The following MCC variants were observed in gnomAD, a reference collection of about 807,000 sequenced individuals.
The protein encoded by MCC is colorectal mutant cancer protein.
A neutral mutation model predicts 116.2 loss-of-function variants in MCC; 90 were observed. The observed-to-expected ratio is 0.77, with a 90% CI of 0.65 to 0.92. The LOEUF is 0.92. MCC is among the 40% of genes least tolerant of loss of function. The pLI, the probability that MCC is intolerant of heterozygous loss-of-function variation, is 0.00. For synonymous variants in MCC, 578 were observed against 510.5 expected, an observed-to-expected ratio of 1.13 and a Z score of -1.78; for missense variants, 1,516 against 1,312.2, an observed-to-expected ratio of 1.16 and a Z score of -2.40.
At chr5:113,178,315 A>G (rs1036942125) in intron 3 of MCC, among the ~76,000 whole-genome samples, 2 of 152,198 alleles carry the variant, frequency 1.3e-5, no homozygotes, top group Admixed American at 6.5e-5. Flanking sequence ...CAGCTTTCCT[A>G]GCAAGGTGGC....
chr5:113,026,346 T>G lies in MCC; in HGVS notation c.*956A>C, dbSNP rs1482293056. ...ATCTCCTCAGTGTCTTGTCCTTAGGTAGAGACAGGTCCAGAGCTACAAATG... is the reference window on the plus strand; with the variant it reads ...ATCTCCTCAGTGTCTTGTCCTTAGGGAGAGACAGGTCCAGAGCTACAAATG... On this transcript the variant is annotated 3_prime_UTR_variant, in exon 19 of 19. Coordinates refer to ENST00000408903, the MANE Select transcript of MCC (RefSeq NM_001085377.2). The G allele has an allele frequency of 1.3e-5, 2 of 152,226 alleles. No homozygotes were observed. Among genetic ancestry groups the G allele is most frequent in the Admixed American group, 6.5e-5 (1 of 15,282 alleles). The allele number at this position is 152,226 out of a possible 1,614,324, so 9.4% of individuals were successfully genotyped here. A position where few individuals can be genotyped will look rare whatever the true frequency, so the allele number is the denominator to read the frequency against.
intron 14 of MCC, among the ~76,000 whole-genome samples, chr5:113,059,627 AAC>A (rs1036895201): frequency 6.6e-6 from 1 of 152,180 alleles, no homozygotes; most frequent in African/African-American, 2.4e-5. Flanking sequence ...TAATGACAAA[AAC>A]CCTCGCCACA....
chr5:113,378,657 G>A lies in MCC; in HGVS notation c.415+6311C>T, dbSNP rs533063022. Among the ~76,000 whole-genome samples, 3 of 152,302 alleles carry A rather than the reference G, an allele frequency of 2.0e-5. No individual in the cohort carries two copies. In the South Asian group the frequency reaches 6.2e-4, roughly 32 times the overall value. On this transcript the variant is annotated intron_variant, in intron 2 of 18. Transcript: ENST00000408903. ...GACAGCCTCATTAGGTCAGCTCAAA[G>A]GGATGCATCAGCTCTCCTCAGGCAA... is the stretch of plus-strand genomic sequence containing the variant.
intron 2 of MCC, among the ~76,000 whole-genome samples, chr5:113,369,527 A>C (rs1768787365): frequency 6.6e-6 from 1 of 151,988 alleles, no homozygotes; most frequent in African/African-American, 2.4e-5. Flanking sequence ...AGATTTTTTG[A>C]GTGTTCTCTC....
At position 113,434,852 on chromosome 5, in the gene MCC, G is replaced by T; in HGVS notation, c.171-49640C>A. ...CAGCGTCATCCATGGTGCCAGGAAT[G>T]CCCAGTGCCTCTGAGGCTGCCCTCT... On this transcript the variant is annotated intron_variant, in intron 1 of 18. Transcript: ENST00000408903. This position sits in a 1 kb window ranked among gnomAD's most constrained non-coding sequence, Gnocchi z 4.2. 1 of 1,599,056 alleles carries T rather than the reference G, an allele frequency of 6.3e-7. No homozygotes were observed. The highest frequency in any genetic ancestry group is 8.5e-7 in the Non-Finnish European group (1 of 1,170,750).
At chr5:113,311,395 C>T (rs962386158) in intron 3 of MCC, among the ~76,000 whole-genome samples, 20 of 152,110 alleles carry the variant, frequency 1.3e-4, no homozygotes, top group African/African-American at 3.9e-4. Flanking sequence ...AACGTGAGTG[C>T]ATGTCTAGGC....
chr5:113,262,870 C>T (rs1318544346), intron 3 of MCC, among the ~76,000 whole-genome samples: 1 of 151,864 alleles, frequency 6.6e-6, no homozygotes, highest in African/African-American at 2.4e-5. Context: ...GTTCACGGAC[C>T]ACTGAGAACA....
intron 8 of MCC, among the ~76,000 whole-genome samples, chr5:113,093,473 C>CTG (rs1554117485): frequency 4.0e-5 from 6 of 150,656 alleles, no homozygotes; most frequent in African/African-American, 1.5e-4. Flanking sequence ...CTGTTGATCT[C>CTG]TCTCTCTCTC....
At chr5:113,375,054 C>G (rs1768949243) in intron 2 of MCC, among the ~76,000 whole-genome samples, 1 of 151,714 alleles carries the variant, frequency 6.6e-6, no homozygotes, top group Non-Finnish European at 1.5e-5. Context: ...ACTTCCCACA[C>G]CCAACCACAG....
At chr5:113,299,948 A>T (rs1476754287) in intron 3 of MCC, among the ~76,000 whole-genome samples, 1 of 152,174 alleles carries the variant, frequency 6.6e-6, no homozygotes, top group African/African-American at 2.4e-5. Context: ...GGATGAGAAG[A>T]GGCAGCAGCA....
At position 113,043,520 on chromosome 5, in the gene MCC, G is replaced by C; in HGVS notation, c.2756+10C>G. On this transcript the variant is annotated intron_variant, in intron 17 of 18. Coordinates refer to ENST00000408903, the MANE Select transcript of MCC (RefSeq NM_001085377.2). ...ATAAACACCAGCTGGGGTGGGGAAA[G>C]GGTGCTTACCGACGAATGGCGTTGG... The C allele has an allele frequency of 6.2e-7, 1 of 1,612,168 alleles. No homozygotes were observed. The highest frequency in any genetic ancestry group is 8.5e-7 in the Non-Finnish European group (1 of 1,178,644).
At chr5:113,141,206 G>A (rs146033768) in intron 5 of MCC, among the ~76,000 whole-genome samples, 5 of 152,308 alleles carry the variant, frequency 3.3e-5, no homozygotes, top group East Asian at 3.9e-4. Context: ...TCCTGGCTCC[G>A]TAGCCTTTGG....
At chr5:113,386,741 T>C (rs947478457) in intron 1 of MCC, among the ~76,000 whole-genome samples, 3 of 127,962 alleles carry the variant, frequency 2.3e-5, no homozygotes, top group African/African-American at 6.7e-5. Flanking sequence ...TGTGTCTGTG[T>C]CCATATGTAT....
At chr5:113,114,058 T>C (rs1757256194) in intron 6 of MCC, among the ~76,000 whole-genome samples, 1 of 149,968 alleles carries the variant, frequency 6.7e-6, no homozygotes, top group South Asian at 2.1e-4. Flanking sequence ...GGGTGAAGCA[T>C]CATGGCATCT....
intron 3 of MCC, among the ~76,000 whole-genome samples, chr5:113,189,481 C>T (rs560245378): frequency 6.6e-6 from 1 of 152,206 alleles, no homozygotes; most frequent in African/African-American, 2.4e-5. Flanking sequence ...GGTAGCAAAA[C>T]TGAGTCCGAG....
chr5:113,469,316 G>A (rs1246685917), intron 1 of MCC, among the ~76,000 whole-genome samples: 19 of 152,034 alleles, frequency 1.2e-4, no homozygotes, highest in Middle Eastern at 3.4e-3. Flanking sequence ...TCTTGTGGGC[G>A]TTTAGTGCTA....
intron 17 of MCC, among the ~76,000 whole-genome samples, chr5:113,031,273 G>C (rs1277135404): frequency 1.3e-5 from 2 of 152,182 alleles, no homozygotes; most frequent in African/African-American, 4.8e-5. Context: ...GCTGGAAGGA[G>C]CGTGTGTTTT....
intron 3 of MCC, among the ~76,000 whole-genome samples, chr5:113,186,706 C>A (rs1020597621): frequency 6.6e-6 from 1 of 152,112 alleles, no homozygotes; most frequent in East Asian, 1.9e-4. Context: ...CCTGGGATGT[C>A]GAAAAAGCTT....
At chr5:113,094,452 C>G (rs1320727083) in intron 8 of MCC, among the ~76,000 whole-genome samples, 1 of 147,668 alleles carries the variant, frequency 6.8e-6, no homozygotes, top group Non-Finnish European at 1.5e-5. Context: ...GACAGAATCT[C>G]ACACGTTGCC....
Sources: allele counts gnomAD v4.1 joint callset (sites outside exome capture counted in the v4.1 genomes callset), GRCh38; gene constraint gnomAD v4.1.1; non-coding constraint Gnocchi (gnomAD v3.1); transcripts MANE v1.5; gene names NCBI Gene and HGNC (gene_info 2026-07-23, HGNC 2026-07-21).